The following QTMAN variants were observed in gnomAD, a reference collection of about 807,000 sequenced individuals.
The protein encoded by QTMAN is tRNA-queuosine alpha-mannosyltransferase.
the QTMAN span, among the ~76,000 whole-genome samples, chr2:144,151,929 A>G: frequency 6.6e-6 from 1 of 152,196 alleles, no homozygotes; most frequent in Non-Finnish European, 1.5e-5. Flanking sequence ...AACTTACAAG[A>G]ACACTGCCTA....
chr2:144,066,748 G>A, the QTMAN span, among the ~76,000 whole-genome samples: 1 of 152,142 alleles, frequency 6.6e-6, no homozygotes, highest in Admixed American at 6.5e-5. Context: ...CCTGGGAGGC[G>A]GAAGTTGCAG....
the QTMAN span, among the ~76,000 whole-genome samples, chr2:144,081,247 G>T: frequency 3.3e-5 from 5 of 152,102 alleles, no homozygotes; most frequent in Non-Finnish European, 7.4e-5. Flanking sequence ...TGTCCTGAGG[G>T]TTAAGATAAG....
chr2:144,022,560 C>CTTTTTT, the QTMAN span, among the ~76,000 whole-genome samples: 30 of 104,256 alleles, frequency 2.9e-4, no homozygotes, highest in African/African-American at 3.9e-4. Context: ...CTCTCTCTCT[C>CTTTTTT]TTTTTTTTTT....
the QTMAN span, among the ~76,000 whole-genome samples, chr2:144,146,213 A>G: frequency 6.7e-6 from 1 of 148,674 alleles, no homozygotes; most frequent in Admixed American, 6.9e-5. Context: ...CTTTTGATTT[A>G]TGCAATAGAC....
At chr2:144,257,413 C>A in the QTMAN span, among the ~76,000 whole-genome samples, 4 of 151,142 alleles carry the variant, frequency 2.6e-5, no homozygotes, top group Admixed American at 6.6e-5. Context: ...AAAAAAAAAA[C>A]AAAACAAGAC....
chr2:144,115,297 T>C, the QTMAN span, among the ~76,000 whole-genome samples: 2 of 152,188 alleles, frequency 1.3e-5, no homozygotes, highest in South Asian at 4.1e-4. Context: ...TGTCTCTTTC[T>C]TAGTGATTCA....
the QTMAN span, among the ~76,000 whole-genome samples, chr2:144,281,225 ATTCTC>A: frequency 6.6e-6 from 1 of 151,724 alleles, no homozygotes; most frequent in Admixed American, 6.6e-5. Context: ...GAAGCGAAGA[ATTCTC>A]TTCACTTCCA....
At chr2:144,287,429 ACT>A in the QTMAN span, among the ~76,000 whole-genome samples, 1 of 145,350 alleles carries the variant, frequency 6.9e-6, no homozygotes, top group Non-Finnish European at 1.5e-5. Flanking sequence ...ACAGAGCAAG[ACT>A]CTGTCTCAAA....
chr2:144,301,673 C>CATGATTTTTAAAAAG, the QTMAN span, among the ~76,000 whole-genome samples: 1 of 152,194 alleles, frequency 6.6e-6, no homozygotes, highest in Non-Finnish European at 1.5e-5. Flanking sequence ...GTACAAAATA[C>CATGATTTTTAAAAAG]AGCCATAAGA....
At chr2:144,023,113 G>A in the QTMAN span, among the ~76,000 whole-genome samples, 1 of 152,006 alleles carries the variant, frequency 6.6e-6, no homozygotes, top group Non-Finnish European at 1.5e-5. Flanking sequence ...GCCAGTTTCT[G>A]ACCTGCTAAA....
chr2:144,047,614 A>G, the QTMAN span, among the ~76,000 whole-genome samples: 1 of 152,302 alleles, frequency 6.6e-6, no homozygotes, highest in East Asian at 1.9e-4. Context: ...CCAGATTAAC[A>G]TGCTTTCTAA....
chr2:144,160,848 C>G, the QTMAN span, among the ~76,000 whole-genome samples: 1 of 152,040 alleles, frequency 6.6e-6, no homozygotes, highest in African/African-American at 2.4e-5. Flanking sequence ...ACAACTGGTA[C>G]GTAAAATACA....
the QTMAN span, among the ~76,000 whole-genome samples, chr2:144,132,805 T>A: frequency 1.3e-5 from 2 of 151,736 alleles, no homozygotes. Flanking sequence ...ACAAAAATGG[T>A]GATAATGAAA....
chr2:144,233,311 G>A, the QTMAN span, among the ~76,000 whole-genome samples: 5 of 152,072 alleles, frequency 3.3e-5, no homozygotes, highest in African/African-American at 9.7e-5. Context: ...CTAAGAGAGT[G>A]GAAAAGGCAA....
At chr2:144,304,307 TAACA>T in the QTMAN span, among the ~76,000 whole-genome samples, 1 of 152,282 alleles carries the variant, frequency 6.6e-6, no homozygotes, top group African/African-American at 2.4e-5. Context: ...AAAACAATCC[TAACA>T]AACAAAACTA....
the QTMAN span, among the ~76,000 whole-genome samples, chr2:144,312,697 C>G: frequency 1.3e-5 from 2 of 152,182 alleles, no homozygotes; most frequent in African/African-American, 4.8e-5. Context: ...AAGGGAGGAA[C>G]CCAGTGGGAG....
At chr2:144,089,735 G>C in the QTMAN span, among the ~76,000 whole-genome samples, 2 of 151,952 alleles carry the variant, frequency 1.3e-5, no homozygotes, top group South Asian at 2.1e-4. Flanking sequence ...ATCACATGGA[G>C]GTGGACAGTT....
At chr2:143,976,121 G>C in the QTMAN span, among the ~76,000 whole-genome samples, 1 of 152,114 alleles carries the variant, frequency 6.6e-6, no homozygotes, top group African/African-American at 2.4e-5. Context: ...AGAAGAGACT[G>C]GGTCTGCATC....
At chr2:144,274,845 T>C in the QTMAN span, among the ~76,000 whole-genome samples, 15 of 152,044 alleles carry the variant, frequency 9.9e-5, no homozygotes, top group Non-Finnish European at 4.4e-5. Flanking sequence ...ACCCAGTCAA[T>C]CAGAAGCACA....
Sources: gnomAD v4.1 joint callset for allele counts (sites outside exome capture counted in the v4.1 genomes callset) on GRCh38, gnomAD v4.1.1 for gene constraint, MANE v1.5 for transcripts, NCBI Gene and HGNC (gene_info 2026-07-23, HGNC 2026-07-21) for gene names.